The following DIS3L2 variants were observed in gnomAD, a reference collection of about 807,000 sequenced individuals.
DIS3L2 encodes the protein DIS3 like 3'-5' exoribonuclease 2.
A neutral mutation model predicts 97.5 loss-of-function variants in DIS3L2; 34 were observed. The observed-to-expected ratio is 0.35, with a 90% confidence interval of 0.27 to 0.46. The LOEUF (loss-of-function observed/expected upper bound fraction) is 0.46. Among genes scored for constraint, DIS3L2 ranks in the 20% least tolerant of loss-of-function variants. The pLI, the probability that DIS3L2 is intolerant of heterozygous loss-of-function variation, is 1.00. For missense variants in DIS3L2, 1,038 were observed against 1,146.0 expected (o/e 0.91, Z 1.36); for synonymous variants, 435 against 445.2 (o/e 0.98, Z 0.29).
intron 3 of DIS3L2, among the ~76,000 whole-genome samples, chr2:232,017,348 C>T (rs991407460): frequency 1.3e-5 from 2 of 152,180 alleles, no homozygotes; most frequent in Admixed American, 1.3e-4. Flanking sequence ...ATCCTCCTGC[C>T]TTAGCCTCCC....
At chr2:232,080,417 A>G (rs777182531) in intron 5 of DIS3L2, among the ~76,000 whole-genome samples, 5 of 152,184 alleles carry the variant, frequency 3.3e-5, no homozygotes, top group Non-Finnish European at 7.4e-5. Context: ...AAGCCAAAAG[A>G]CTGCATGAAA....
At chr2:232,258,212 A>G (rs1439894484) in intron 12 of DIS3L2, among the ~76,000 whole-genome samples, 4 of 152,164 alleles carry the variant, frequency 2.6e-5, no homozygotes, top group Non-Finnish European at 4.4e-5. Context: ...TTAATTTGAC[A>G]TTCTGAACAG....
intron 10 of DIS3L2, among the ~76,000 whole-genome samples, chr2:232,224,983 C>T (rs1692605083): frequency 6.6e-6 from 1 of 151,872 alleles, no homozygotes; most frequent in Admixed American, 6.6e-5. Context: ...AGAAGATAAC[C>T]AATGGTCAAA....
intron 12 of DIS3L2, among the ~76,000 whole-genome samples, chr2:232,256,520 C>T (rs940709420): frequency 4.6e-5 from 7 of 152,250 alleles, no homozygotes; most frequent in African/African-American, 1.4e-4. Context: ...TCAGCTGAAC[C>T]TTCAGTGCTA....
chr2:232,261,723 T>C (rs189264784), intron 12 of DIS3L2, among the ~76,000 whole-genome samples: 8 of 152,316 alleles, frequency 5.3e-5, no homozygotes, highest in Non-Finnish European at 7.4e-5. Context: ...AAATGCTCAA[T>C]GCCAGGAGCT....
At chr2:232,015,933 G>A (rs1195069301) in intron 3 of DIS3L2, 2 of 315,500 alleles carry the variant, frequency 6.3e-6, no homozygotes, top group East Asian at 1.1e-4. Context: ...TTTCCCATTA[G>A]GATTGTCTAG....
chr2:232,181,229 C>G (rs1050642678), intron 9 of DIS3L2, among the ~76,000 whole-genome samples: 5 of 151,220 alleles, frequency 3.3e-5, no homozygotes, highest in African/African-American at 1.2e-4. Context: ...ACCTTTCTCT[C>G]TGGCTGCCCT....
chr2:232,342,198 C>T (rs574238194), intron 13 of DIS3L2, among the ~76,000 whole-genome samples: 1 of 142,470 alleles, frequency 7.0e-6, no homozygotes, highest in Non-Finnish European at 1.5e-5. Flanking sequence ...CATATATACA[C>T]ATACATATAT....
chr2:232,125,630 C>G (rs1402019551), intron 6 of DIS3L2, among the ~76,000 whole-genome samples: 2 of 152,174 alleles, frequency 1.3e-5, no homozygotes, highest in Non-Finnish European at 2.9e-5. Flanking sequence ...TGGCATCATA[C>G]ATTTTCATTA....
intron 9 of DIS3L2, among the ~76,000 whole-genome samples, chr2:232,208,768 C>T (rs1181864389): frequency 6.6e-6 from 1 of 152,110 alleles, no homozygotes. Flanking sequence ...TAGCTCACAC[C>T]TGTAATCCCA....
intron 8 of DIS3L2, among the ~76,000 whole-genome samples, chr2:232,157,829 C>G (rs1010942433): frequency 6.6e-6 from 1 of 152,208 alleles, no homozygotes; most frequent in Non-Finnish European, 1.5e-5. Context: ...TTCCTGCTGC[C>G]TTGTGCTTTG....
rs529227489 is a variant in DIS3L2 at position 232,137,850 on chromosome 2, CCTAA to C, written c.950+1136_950+1139del. Among the ~76,000 whole-genome samples the C allele has an allele frequency of 7.1e-4, 108 of 152,230 alleles. 1 individual carries two copies. The South Asian group carries it at 0.019, about 27-fold the overall frequency. The stretch of plus-strand genomic sequence containing the variant: ...TGATTGCAATGTCATCATTTTTAAG[CCTAA>C]CTAATTATCCAAAAGTGATGTCAAC... On this transcript the variant is annotated intron_variant, in intron 8 of 20. Coordinates refer to ENST00000325385, the MANE Select transcript of DIS3L2 (RefSeq NM_152383.5).
At chr2:232,091,122 T>C (rs1696825678) in intron 6 of DIS3L2, among the ~76,000 whole-genome samples, 1 of 152,216 alleles carries the variant, frequency 6.6e-6, no homozygotes, top group Non-Finnish European at 1.5e-5. Context: ...GCAGTAGCTT[T>C]GTTGTTAGCA....
At chr2:232,007,002 A>G (rs1213823035) in intron 1 of DIS3L2, among the ~76,000 whole-genome samples, 1 of 152,204 alleles carries the variant, frequency 6.6e-6, no homozygotes, top group African/African-American at 2.4e-5. Context: ...AATGGGGGAA[A>G]TAGAGGTTGT....
intron 6 of DIS3L2, among the ~76,000 whole-genome samples, chr2:232,102,906 G>A (rs1331919389): frequency 2.0e-5 from 3 of 151,924 alleles, no homozygotes; most frequent in Non-Finnish European, 2.9e-5. Flanking sequence ...ACTTTTATTC[G>A]GCCAGTCACA....
chr2:232,335,584 T>G, intron 19 of DIS3L2, 189 bp from the exon 20 acceptor site: 17 of 583,816 alleles, frequency 2.9e-5, no homozygotes, highest in East Asian at 6.6e-5. Context: ...CCCTGGCCCT[T>G]GGTCACTCTC....
intron 3 of DIS3L2, chr2:232,023,221 A>C (rs1694569021): frequency 6.6e-6 from 1 of 152,196 alleles, no homozygotes; most frequent in African/African-American, 2.4e-5. Context: ...CAGGGTCTTG[A>C]ATATAGTCCA....
At chr2:232,274,760 A>G (rs946036433) in intron 13 of DIS3L2, among the ~76,000 whole-genome samples, 24 of 152,178 alleles carry the variant, frequency 1.6e-4, no homozygotes, top group Non-Finnish European at 2.1e-4. Context: ...AAGCAAGGAC[A>G]TTTTCTTTAA....
chr2:232,316,187 C>G (rs1695270538), intron 14 of DIS3L2, among the ~76,000 whole-genome samples: 1 of 152,166 alleles, frequency 6.6e-6, no homozygotes, highest in East Asian at 1.9e-4. Context: ...TCATCAGCTT[C>G]CAGCACAGCC....
Sources: gnomAD v4.1 joint callset for allele counts (sites outside exome capture counted in the v4.1 genomes callset) on GRCh38, gnomAD v4.1.1 for gene constraint, MANE v1.5 for transcripts, NCBI Gene and HGNC (gene_info 2026-07-23, HGNC 2026-07-21) for gene names.